Variants in CHMP4C observed in about 807,000 individuals in gnomAD.
The protein encoded by CHMP4C is SNF7 homolog associated with Alix 3.
In CHMP4C, 28 loss-of-function variants were observed where a neutral mutation model predicts 29.0. The ratio of observed to expected loss-of-function variants is 0.97; its 90% CI spans 0.72 to 1.32. The LOEUF (loss-of-function observed/expected upper bound fraction) is 1.32, where lower values mean the gene tolerates loss of function less well. Ranked by LOEUF, CHMP4C falls within the 40% of genes most tolerant of loss-of-function variation. The pLI is 0.00. For synonymous variants in CHMP4C, 106 were observed against 102.4 expected, an observed-to-expected ratio of 1.04 and a Z score of -0.21; for missense variants, 291 against 281.0, an observed-to-expected ratio of 1.04 and a Z score of -0.25.
chr8:81,744,053 T>G (rs1279950901), intron 1 of CHMP4C, among the ~76,000 whole-genome samples: 1 of 152,246 alleles, frequency 6.6e-6, no homozygotes, highest in Non-Finnish European at 1.5e-5. Flanking sequence ...TCCTTTTTAC[T>G]GCTTTCTCAG....
chr8:81,745,963 CA>C (rs1381840760), intron 1 of CHMP4C, among the ~76,000 whole-genome samples: 1 of 152,136 alleles, frequency 6.6e-6, no homozygotes, highest in African/African-American at 2.4e-5. Flanking sequence ...TGATTTGCAG[CA>C]TTTGTTGCAT....
At chr8:81,740,429 T>G (rs1264025796) in intron 1 of CHMP4C, among the ~76,000 whole-genome samples, 1 of 152,178 alleles carries the variant, frequency 6.6e-6, no homozygotes, top group African/African-American at 2.4e-5. Context: ...ATGCTGCTGG[T>G]GATATGACAG....
Position 81,759,481 on chromosome 8 carries a change from A to T in CHMP4C, c.*937A>T. On this transcript the variant is annotated 3_prime_UTR_variant, in exon 5 of 5. Transcript: ENST00000297265. ...CAGAATATTTCTTGTAAATACATAA[A>T]AATATTGGCAATTAAAAGTACATCT... 1 of 149,794 alleles carries T rather than the reference A, an allele frequency of 6.7e-6. No homozygotes were observed. Among genetic ancestry groups the T allele is most frequent in the Non-Finnish European group, 1.5e-5 (1 of 66,884 alleles). 9.3% of individuals were successfully genotyped at this position (149,794 alleles called of 1,614,324 possible).
At chr8:81,734,424 A>G (rs1387692995) in intron 1 of CHMP4C, among the ~76,000 whole-genome samples, 6 of 152,038 alleles carry the variant, frequency 3.9e-5, no homozygotes, top group Non-Finnish European at 8.8e-5. Flanking sequence ...TCTGCCGCCC[A>G]GGTTCAAGCG....
intron 1 of CHMP4C, among the ~76,000 whole-genome samples, chr8:81,733,257 A>G (rs891676083): frequency 2.0e-5 from 3 of 152,064 alleles, no homozygotes; most frequent in African/African-American, 7.2e-5. Context: ...ATTAATTTTG[A>G]ATTTTAAAAA....
intron 1 of CHMP4C, among the ~76,000 whole-genome samples, chr8:81,747,393 TCCAAATATGTATAGGCACTGAA>T (rs1808840010): frequency 6.6e-6 from 1 of 151,226 alleles, no homozygotes; most frequent in African/African-American, 2.4e-5. Context: ...CCCGTTCGGT[TCCAAATATGTATAGGCACTGAA>T]CCAGCCTGAC....
At chr8:81,748,335 C>A (rs1202015698) in intron 1 of CHMP4C, among the ~76,000 whole-genome samples, 1 of 152,144 alleles carries the variant, frequency 6.6e-6, no homozygotes, top group African/African-American at 2.4e-5. Context: ...CATACATCCT[C>A]CTCGGCTGAC....
Position 81,758,598 on chromosome 8 carries a change from A to T in CHMP4C, c.*54A>T. 8.2e-7 allele frequency: 1 copy of T among 1,216,104 alleles called. No homozygotes were observed. 75.3% of individuals were successfully genotyped at this position (1,216,104 alleles called of 1,614,324 possible). ...AATGAGCTATAGATAAAATATAAAA[A>T]ATGTTTTTACCAAGTTCAGAAGTTA... On this transcript the variant is annotated 3_prime_UTR_variant, in exon 5 of 5. Coordinates refer to ENST00000297265, the MANE Select transcript of CHMP4C (RefSeq NM_152284.4).
Position 81,732,476 on chromosome 8 carries a change from AC to A in CHMP4C, c.-149del. The A allele has an allele frequency of 7.2e-6, 4 of 555,202 alleles. No homozygotes were observed. Among genetic ancestry groups the A allele is most frequent in the Non-Finnish European group, 1.3e-5 (4 of 311,928 alleles). The allele number at this position is 555,202 out of a possible 1,614,324, so 34.4% of individuals were successfully genotyped here. On this transcript the variant is annotated 5_prime_UTR_variant, in exon 1 of 5. An upstream open reading frame in the 5' UTR loses its in-frame stop. Coordinates refer to ENST00000297265, the MANE Select transcript of CHMP4C (RefSeq NM_152284.4). Reference sequence around the variant, plus strand: ...CAGGAAATGCCCTGGAGTGTGTGTCACCTGTCCAGGACGACTTGTTGATTCC... The same window carrying A: ...CAGGAAATGCCCTGGAGTGTGTGTCACTGTCCAGGACGACTTGTTGATTCC...
chr8:81,735,707 C>G (rs1342264529), intron 1 of CHMP4C, among the ~76,000 whole-genome samples: 1 of 152,194 alleles, frequency 6.6e-6, no homozygotes, highest in African/African-American at 2.4e-5. Flanking sequence ...ATCAATTTCT[C>G]TACAACAACA....
chr8:81,738,521 A>G (rs1360955101), intron 1 of CHMP4C, among the ~76,000 whole-genome samples: 1 of 152,194 alleles, frequency 6.6e-6, no homozygotes, highest in Non-Finnish European at 1.5e-5. Context: ...CTCTTAGTTC[A>G]GTGGGAAGAA....
At chr8:81,748,802 C>T (rs1162018011) in intron 1 of CHMP4C, among the ~76,000 whole-genome samples, 2 of 151,938 alleles carry the variant, frequency 1.3e-5, no homozygotes, top group Non-Finnish European at 2.9e-5. Flanking sequence ...TGGCGCATGC[C>T]TGTAGTCCCA....
chr8:81,735,531 C>T (rs1301522460), intron 1 of CHMP4C, among the ~76,000 whole-genome samples: 1 of 152,166 alleles, frequency 6.6e-6, no homozygotes, highest in Non-Finnish European at 1.5e-5. Flanking sequence ...GGCACAATGC[C>T]ATTGCTAGAA....
chr8:81,735,498 T>G (rs1808678035), intron 1 of CHMP4C, among the ~76,000 whole-genome samples: 1 of 152,344 alleles, frequency 6.6e-6, no homozygotes. Flanking sequence ...CCTGATATAC[T>G]TACTACTAAA....
At chr8:81,747,833 C>G (rs191256936) in intron 1 of CHMP4C, among the ~76,000 whole-genome samples, 35 of 152,230 alleles carry the variant, frequency 2.3e-4, no homozygotes, top group African/African-American at 8.4e-4. Context: ...AGTACCAAGG[C>G]AAAATTAAAA....
intron 1 of CHMP4C, among the ~76,000 whole-genome samples, chr8:81,744,966 C>T (rs1808804330): frequency 6.6e-6 from 1 of 152,192 alleles, no homozygotes; most frequent in Non-Finnish European, 1.5e-5. Context: ...TTAAAATTTT[C>T]TATTTCCCCA....
In CHMP4C at chr8:81,753,095, G is replaced by T. The variant is rs373262776; in HGVS notation, c.222G>T (p.Arg74Ser). 2.5e-5 allele frequency: 41 copies of T among 1,611,718 alleles called. No individual in the cohort carries two copies. Among genetic ancestry groups the T allele is most frequent in the East Asian group, 4.5e-5 (2 of 44,836 alleles). ...AALQALKRKK[R>S]FEKQLTQIDG... is the part of the protein sequence containing the mutation. ...TACAGGCACTAAAGAGAAAGAAGAG[G>T]TTCGAGAAACAGCTCACTCAGATTG... The change falls in exon 2 of 5, where the codon AGG becomes AGT. Residue 74 changes from arginine to serine, a missense_variant. By Grantham distance (110) the Arg-to-Ser change is moderately radical. Coordinates refer to ENST00000297265, the MANE Select transcript of CHMP4C (RefSeq NM_152284.4).
At position 81,753,206 on chromosome 8, in the gene CHMP4C, T is replaced by C; in HGVS notation, c.333T>C (p.Phe111=). Residue 111 remains phenylalanine, a synonymous_variant, in exon 2 of 5, where the codon TTT becomes TTC. Transcript: ENST00000297265. ...TNTEVLRNMG[F]AAKAMKSVHE... is the part of the protein sequence containing the mutation. ...CTGAGGTGTTGAGGAACATGGGCTT[T>C]GCAGCAAAAGCGATGAAATCTGTTC... The C allele has an allele frequency of 6.2e-7, 1 of 1,607,760 alleles. No homozygotes were observed. Among genetic ancestry groups the C allele is most frequent in the Non-Finnish European group, 8.5e-7 (1 of 1,177,248 alleles).
chr8:81,746,584 C>T (rs549632506), intron 1 of CHMP4C, among the ~76,000 whole-genome samples: 25 of 152,336 alleles, frequency 1.6e-4, no homozygotes, highest in Non-Finnish European at 3.4e-4. Context: ...TTTTCCCTGA[C>T]CTTCTAGCTG....
Sources: allele counts gnomAD v4.1 joint callset (sites outside exome capture counted in the v4.1 genomes callset), GRCh38; gene constraint gnomAD v4.1.1; transcripts MANE v1.5; gene names NCBI Gene and HGNC (gene_info 2026-07-23, HGNC 2026-07-21).